The following ARHGAP20 variants were observed in gnomAD, a reference collection of about 807,000 sequenced individuals.
ARHGAP20 encodes the protein rho GTPase-activating protein 20.
Under a neutral mutation model 73.7 loss-of-function variants are expected in ARHGAP20, and 34 were observed. That is an observed-to-expected ratio of 0.46 (90% CI 0.35 to 0.61). The LOEUF is 0.61. Among genes scored for constraint, ARHGAP20 ranks in the 20% least tolerant of loss-of-function variants. The pLI, the probability that ARHGAP20 is intolerant of heterozygous loss-of-function variation, is 0.00. For synonymous variants in ARHGAP20, 523 were observed against 518.2 expected, an observed-to-expected ratio of 1.01 and a Z score of -0.13; for missense variants, 1,314 against 1,420.9, an observed-to-expected ratio of 0.92 and a Z score of 1.21.
rs912562191 is a variant in ARHGAP20 at position 110,618,359 on chromosome 11, G to A, written c.504-2765C>T. Among the ~76,000 whole-genome samples, 7 of 152,290 alleles carry A rather than the reference G, an allele frequency of 4.6e-5. 1 individual carries two copies. Among genetic ancestry groups the A allele is most frequent in the South Asian group, 4.1e-4 (2 of 4,826 alleles). On this transcript the variant is annotated intron_variant, in intron 4 of 14. Transcript: ENST00000683387. ...TTTAATTTGATCTATAAATAAACAC[G>A]CATACCTGAGTTTGTAGTCTAAGAT...
chr11:110,608,281 C>T (rs576556114), intron 8 of ARHGAP20, among the ~76,000 whole-genome samples: 1 of 152,188 alleles, frequency 6.6e-6, no homozygotes. Flanking sequence ...AGATACTGTC[C>T]TTTATTTTAA....
chr11:110,586,133 T>C (rs1342972369), intron 12 of ARHGAP20, 83 bp downstream of exon 12: 1 of 697,690 alleles, frequency 1.4e-6, no homozygotes, highest in Non-Finnish European at 2.1e-6. Context: ...GATATGACTT[T>C]GATAGCTGTC....
chr11:110,636,888 G>A (rs1379690301), intron 2 of ARHGAP20, among the ~76,000 whole-genome samples: 6 of 151,920 alleles, frequency 3.9e-5, no homozygotes, highest in Non-Finnish European at 7.4e-5. Context: ...TGGAAATGGG[G>A]AAAGGGTAAG....
At chr11:110,596,311 A>G (rs1183186551) in intron 9 of ARHGAP20, among the ~76,000 whole-genome samples, 1 of 150,266 alleles carries the variant, frequency 6.7e-6, no homozygotes, top group Non-Finnish European at 1.5e-5. Flanking sequence ...AATTAAACTA[A>G]AGAGCTTCTG....
At position 110,577,256 on chromosome 11, in the gene ARHGAP20, TA is replaced by T; in HGVS notation, c.*2113del. The T allele has an allele frequency of 6.9e-7, 1 of 1,454,596 alleles. No individual in the cohort carries two copies. The highest frequency in any genetic ancestry group is 1.4e-5 in the South Asian group (1 of 70,960). 90.1% of individuals were successfully genotyped at this position (1,454,596 alleles called of 1,614,324 possible). The stretch of plus-strand genomic sequence containing the variant: ...CATTTTAGATAAAGCATCAGTCTAA[TA>T]TATTATAGATTGATGGAGTATAATA... On this transcript the variant is annotated 3_prime_UTR_variant, in exon 15 of 15. Transcript: ENST00000683387.
At chr11:110,675,188 G>A (rs1197116561) in intron 2 of ARHGAP20, among the ~76,000 whole-genome samples, 1 of 152,060 alleles carries the variant, frequency 6.6e-6, no homozygotes, top group Non-Finnish European at 1.5e-5. Context: ...ATTTGATAGA[G>A]CCAGTTTTCA....
At chr11:110,705,877 C>A (rs948313935) in intron 1 of ARHGAP20, among the ~76,000 whole-genome samples, 12 of 152,146 alleles carry the variant, frequency 7.9e-5, no homozygotes, top group Non-Finnish European at 1.3e-4. Context: ...GCAAGCAAGG[C>A]TGAGGTATCA....
chr11:110,635,759 AACAAAGAAAAGGCCT>A (rs1310291969), intron 2 of ARHGAP20, among the ~76,000 whole-genome samples: 1 of 152,066 alleles, frequency 6.6e-6, no homozygotes, highest in Non-Finnish European at 1.5e-5. Context: ...TTAAGCAGAG[AACAAAGAAAAGGCCT>A]ACATTCACCA....
chr11:110,710,397 T>C (rs1465834397), intron 1 of ARHGAP20, among the ~76,000 whole-genome samples: 1 of 152,042 alleles, frequency 6.6e-6, no homozygotes, highest in African/African-American at 2.4e-5. Context: ...AAAGCTCCTC[T>C]TTAATGCTTC....
intron 1 of ARHGAP20, among the ~76,000 whole-genome samples, chr11:110,697,962 T>C (rs1439351230): frequency 6.6e-6 from 1 of 151,708 alleles, no homozygotes; most frequent in East Asian, 1.9e-4. Context: ...GTGTGAAAAA[T>C]GAAATTGGTA....
chr11:110,632,683 G>T (rs879583903), intron 2 of ARHGAP20, among the ~76,000 whole-genome samples: 2 of 152,118 alleles, frequency 1.3e-5, no homozygotes, highest in Non-Finnish European at 2.9e-5. Flanking sequence ...AGGATTACAG[G>T]TTGAGCCACC....
At chr11:110,696,745 C>G (rs1175910871) in intron 1 of ARHGAP20, among the ~76,000 whole-genome samples, 1 of 151,608 alleles carries the variant, frequency 6.6e-6, no homozygotes, top group East Asian at 1.9e-4. Flanking sequence ...CTTTTGGAGT[C>G]TCCAGTGTTT....
At chr11:110,682,304 T>C (rs1950052462) in intron 2 of ARHGAP20, among the ~76,000 whole-genome samples, 1 of 152,190 alleles carries the variant, frequency 6.6e-6, no homozygotes, top group African/African-American at 2.4e-5. Context: ...GATTATGTAC[T>C]AGAGACTACT....
rs183870470 is a variant in ARHGAP20, at chr11:110,615,600, A to G, written c.504-6T>C. 287 of 1,611,438 alleles carry G rather than the reference A, an allele frequency of 1.8e-4. No individual in the cohort carries two copies. The African/African-American group carries it at 3.4e-3, about 19-fold the overall frequency. ...TGTCCTTTTGTTCTGGAGAACTGCA[A>G]TCAAAGAAAATGGGAGAGAAAAATT... is the stretch of plus-strand genomic sequence containing the variant. On this transcript the variant is annotated splice_region_variant and splice_polypyrimidine_tract_variant and intron_variant, in intron 4 of 14. Transcript: ENST00000683387.
chr11:110,596,322 C>T (rs1316976423), intron 9 of ARHGAP20, among the ~76,000 whole-genome samples: 1 of 150,154 alleles, frequency 6.7e-6, no homozygotes, highest in African/African-American at 2.5e-5. Flanking sequence ...AGAGCTTCTG[C>T]ACAGCAAAAG....
chr11:110,586,235 T>C lies in ARHGAP20; in HGVS notation c.1396A>G (p.Lys466Glu). ...AATTACCTTTGAACAGTATTTATTT[T>C]CTCTTCATCATTTCCTTGATCCATT... ...SVMDQGNDEEKINTVQRLLDQ... is the reference protein window; with the variant it reads ...SVMDQGNDEEEINTVQRLLDQ... The change falls in exon 12 of 15, where the codon AAA becomes GAA. Residue 466 changes from lysine to glutamate, a missense_variant. By Grantham distance (56) the Lys-to-Glu change is moderately conservative. Coordinates refer to ENST00000683387, the MANE Select transcript of ARHGAP20 (RefSeq NM_001384657.1). 6.5e-7 allele frequency: 1 copy of C among 1,535,692 alleles called. No homozygotes were observed. The highest frequency in any genetic ancestry group is 8.8e-7 in the Non-Finnish European group (1 of 1,138,108).
intron 2 of ARHGAP20, among the ~76,000 whole-genome samples, chr11:110,631,272 C>A (rs1948855701): frequency 6.6e-6 from 1 of 152,078 alleles, no homozygotes; most frequent in South Asian, 2.1e-4. Flanking sequence ...ATGTACTTAT[C>A]TGTGTAATCT....
intron 2 of ARHGAP20, among the ~76,000 whole-genome samples, chr11:110,656,287 C>T (rs978282524): frequency 3.3e-5 from 5 of 152,144 alleles, no homozygotes; most frequent in African/African-American, 1.2e-4. Flanking sequence ...AGCCTGTGTA[C>T]CTGAGCCTCT....
intron 8 of ARHGAP20, 73 bp downstream of exon 8, chr11:110,608,911 C>T: frequency 7.8e-7 from 1 of 1,285,634 alleles, no homozygotes; most frequent in Non-Finnish European, 1.1e-6. Flanking sequence ...GACCATATGA[C>T]CAATTCTCGG....
Sources: allele counts gnomAD v4.1 joint callset (sites outside exome capture counted in the v4.1 genomes callset), GRCh38; gene constraint gnomAD v4.1.1; transcripts MANE v1.5; gene names NCBI Gene and HGNC (gene_info 2026-07-23, HGNC 2026-07-21).